TSGA10: variants seen among roughly 807,000 people sequenced by gnomAD.
TSGA10 encodes testis-specific gene 10 protein.
A neutral mutation model predicts 96.6 loss-of-function variants in TSGA10; 43 were observed. The observed-to-expected ratio is 0.44, with a 90% confidence interval of 0.35 to 0.57. The LOEUF (loss-of-function observed/expected upper bound fraction) is 0.57. Among genes scored for constraint, TSGA10 ranks in the 20% least tolerant of loss-of-function variants. The probability of loss-of-function intolerance (pLI) is 0.01; values close to 1 mark genes in which losing one functional copy is unlikely to be tolerated. For missense variants in TSGA10, 703 were observed against 834.4 expected, an observed-to-expected ratio of 0.84 and a Z score of 1.94; for synonymous variants, 229 against 269.9, an observed-to-expected ratio of 0.85 and a Z score of 1.48.
intron 4 of TSGA10, among the ~76,000 whole-genome samples, chr2:99,113,429 A>AGAG (rs149554639): frequency 1.4e-3 from 209 of 152,276 alleles, no homozygotes; most frequent in Non-Finnish European, 2.7e-3. Flanking sequence ...GCAACCCTAG[A>AGAG]GAGAGGTCCA....
chr2:99,150,647 A>T, intron 1 of TSGA10: 1 of 1,614,080 alleles, frequency 6.2e-7, no homozygotes, highest in Non-Finnish European at 8.5e-7. Context: ...CGAGGGACTG[A>T]AAAAAGCAGG....
chr2:99,108,671 T>C lies in TSGA10; in HGVS notation c.210+162A>G, dbSNP rs6732801. ...ACTCACATACCTACTGTATTGGAAATGTACTACATTTCATTAAGAATATCT... is the reference window on the plus strand; with the variant it reads ...ACTCACATACCTACTGTATTGGAAACGTACTACATTTCATTAAGAATATCT... On this transcript the variant is annotated intron_variant, in intron 7 of 20. Transcript: ENST00000393483. Among the ~76,000 whole-genome samples the C allele has an allele frequency of 0.014, 2,138 of 152,260 alleles. 51 individuals carry two copies. The highest frequency in any genetic ancestry group is 0.048 in the African/African-American group (2,000 of 41,564).
At chr2:99,133,089 T>C (rs1384326163) in intron 1 of TSGA10, among the ~76,000 whole-genome samples, 2 of 152,220 alleles carry the variant, frequency 1.3e-5, no homozygotes, top group East Asian at 1.9e-4. Flanking sequence ...GAGAGTTCTG[T>C]AGATGTCTGT....
chr2:99,067,526 G>C (rs2085399889), intron 15 of TSGA10, among the ~76,000 whole-genome samples: 1 of 152,208 alleles, frequency 6.6e-6, no homozygotes, highest in African/African-American at 2.4e-5. Flanking sequence ...ATAAAGGGAA[G>C]TGTTTAACAC....
chr2:99,076,236 T>C (rs1311781338), intron 12 of TSGA10, among the ~76,000 whole-genome samples: 1 of 152,162 alleles, frequency 6.6e-6, no homozygotes, highest in Non-Finnish European at 1.5e-5. Context: ...CCATACCTTG[T>C]CAATTTTACT....
At chr2:99,081,754 G>T (rs1251568830) in intron 10 of TSGA10, among the ~76,000 whole-genome samples, 1 of 152,114 alleles carries the variant, frequency 6.6e-6, no homozygotes, top group Admixed American at 6.5e-5. Flanking sequence ...ACAAGATGAG[G>T]CCATAGAGAT....
chr2:99,080,067 G>C (rs1027362332), intron 11 of TSGA10, among the ~76,000 whole-genome samples: 4 of 152,106 alleles, frequency 2.6e-5, no homozygotes, highest in Admixed American at 2.6e-4. Flanking sequence ...CAACCTAACA[G>C]CCCACTCAAA....
intron 20 of TSGA10, among the ~76,000 whole-genome samples, chr2:99,003,419 G>A (rs1441053570): frequency 4.6e-5 from 7 of 152,154 alleles, no homozygotes; most frequent in Admixed American, 4.6e-4. Flanking sequence ...AGGATATCCA[G>A]GACTTGAACT....
chr2:99,050,473 C>T (rs2083285270), intron 16 of TSGA10, among the ~76,000 whole-genome samples: 1 of 151,914 alleles, frequency 6.6e-6, no homozygotes, highest in Admixed American at 6.6e-5. Context: ...ATTTCTGGTC[C>T]CAAGCATTCT....
intron 1 of TSGA10, among the ~76,000 whole-genome samples, chr2:99,129,735 T>C (rs549382572): frequency 2.0e-5 from 3 of 152,260 alleles, no homozygotes; most frequent in Admixed American, 2.0e-4. Flanking sequence ...AGTGAAACAA[T>C]GTTCCTTCTT....
chr2:99,113,983 T>C (rs1244121205), intron 4 of TSGA10, among the ~76,000 whole-genome samples: 6 of 152,232 alleles, frequency 3.9e-5, no homozygotes, highest in Non-Finnish European at 7.3e-5. Context: ...AGTAATTACA[T>C]AGCAATAGCC....
intron 20 of TSGA10, among the ~76,000 whole-genome samples, chr2:99,001,642 G>A (rs1193574773): frequency 6.6e-6 from 1 of 152,192 alleles, no homozygotes; most frequent in Non-Finnish European, 1.5e-5. Flanking sequence ...ACTTTAACGA[G>A]TTGACAGAAG....
Position 99,105,336 on chromosome 2 carries a change from CTTTTCT to C in TSGA10, c.459+17_459+22del, listed in dbSNP as rs759567660. ...ATTGAGTGTTTATAGCCAAAAGAGA[CTTTTCT>C]TTTTTTTTTTTTTTACATTATGAAC... On this transcript the variant is annotated intron_variant, in intron 9 of 20. Transcript: ENST00000393483. The C allele has an allele frequency of 6.7e-7, 1 of 1,482,022 alleles. No homozygotes were observed. Among genetic ancestry groups the C allele is most frequent in the Non-Finnish European group, 9.2e-7 (1 of 1,083,564 alleles). 91.8% of individuals were successfully genotyped at this position (1,482,022 alleles called of 1,614,324 possible).
intron 16 of TSGA10, among the ~76,000 whole-genome samples, chr2:99,037,529 T>C (rs948456910): frequency 6.6e-6 from 1 of 152,188 alleles, no homozygotes; most frequent in Admixed American, 6.5e-5. Flanking sequence ...ACTGAGTGCA[T>C]ATATTAGAAA....
At chr2:99,148,774 CA>C (rs2093658189) in intron 1 of TSGA10, among the ~76,000 whole-genome samples, 1 of 152,140 alleles carries the variant, frequency 6.6e-6, no homozygotes, top group Admixed American at 6.6e-5. Context: ...GGTTCAAGAC[CA>C]GCCTGGTCAA....
chr2:99,027,442 G>A (rs956015296), intron 17 of TSGA10, among the ~76,000 whole-genome samples: 7 of 152,120 alleles, frequency 4.6e-5, no homozygotes, highest in Non-Finnish European at 1.0e-4. Flanking sequence ...TAGTTAGACT[G>A]GAGAAATAAG....
intron 17 of TSGA10, among the ~76,000 whole-genome samples, chr2:99,030,175 C>T (rs140414231): frequency 5.0e-4 from 76 of 151,742 alleles, no homozygotes; most frequent in African/African-American, 1.4e-3. Context: ...GGTGAAACCC[C>T]GTCTCTACTA....
chr2:99,016,966 T>C lies in TSGA10; in HGVS notation c.2072+1234A>G, dbSNP rs996313483. Among the ~76,000 whole-genome samples, 3 of 152,246 alleles carry C rather than the reference T, an allele frequency of 2.0e-5. No individual in the cohort carries two copies. In the South Asian group the frequency reaches 6.2e-4, roughly 32 times the overall value. On this transcript the variant is annotated intron_variant, in intron 20 of 20. Coordinates refer to ENST00000393483, the MANE Select transcript of TSGA10 (RefSeq NM_025244.4). ...CACAATGAGATACCTACCTTACTCCTGCAAGAATGGCCATAATTAAAAAAT... is the reference window on the plus strand; with the variant it reads ...CACAATGAGATACCTACCTTACTCCCGCAAGAATGGCCATAATTAAAAAAT...
At chr2:99,107,739 TA>T (rs1359513661) in intron 7 of TSGA10, among the ~76,000 whole-genome samples, 1 of 152,220 alleles carries the variant, frequency 6.6e-6, no homozygotes, top group African/African-American at 2.4e-5. Flanking sequence ...GTTATTCATT[TA>T]TGTATTGTCC....
Sources: gnomAD v4.1 joint callset for allele counts (sites outside exome capture counted in the v4.1 genomes callset) on GRCh38, gnomAD v4.1.1 for gene constraint, MANE v1.5 for transcripts, NCBI Gene and HGNC (gene_info 2026-07-23, HGNC 2026-07-21) for gene names.